POR: variants seen among roughly 807,000 people sequenced by gnomAD.
POR encodes the protein NADPH--cytochrome P450 reductase.
POR carries 56 observed loss-of-function variants against 84.0 expected under a neutral mutation model. The observed-to-expected ratio is 0.67, with a 90% CI of 0.54 to 0.83. POR has a LOEUF of 0.83. POR is among the 40% of genes least tolerant of loss of function. The probability of loss-of-function intolerance (pLI) is 0.00; values close to 1 mark genes in which losing one functional copy is unlikely to be tolerated. For synonymous variants in POR, 414 were observed against 400.5 expected, an observed-to-expected ratio of 1.03 and a Z score of -0.40; for missense variants, 938 against 944.3, an observed-to-expected ratio of 0.99 and a Z score of 0.09.
At chr7:75,947,788 G>A (rs1238753416) in intron 1 of POR, among the ~76,000 whole-genome samples, 2 of 152,032 alleles carry the variant, frequency 1.3e-5, no homozygotes, top group Middle Eastern at 3.2e-3. Flanking sequence ...ACGAAGCTTC[G>A]AGAGGAGGAG....
chr7:75,945,971 T>G (rs1554552086), intron 1 of POR, among the ~76,000 whole-genome samples: 1 of 152,142 alleles, frequency 6.6e-6, no homozygotes. Context: ...CATTCTCCCT[T>G]TCAGAAGCTG....
intron 1 of POR, among the ~76,000 whole-genome samples, chr7:75,949,931 T>C (rs1372587556): frequency 1.3e-5 from 2 of 151,712 alleles, no homozygotes; most frequent in Non-Finnish European, 2.9e-5. Flanking sequence ...CAATGTCAGC[T>C]CACTGCAAGC....
chr7:75,923,987 G>A (rs552001883), intron 1 of POR, among the ~76,000 whole-genome samples: 38 of 152,102 alleles, frequency 2.5e-4, no homozygotes, highest in African/African-American at 4.8e-4. Flanking sequence ...CGTTTTCTAC[G>A]TTGGCTGCTG....
rs373128937 is a variant in POR, at chr7:75,983,832, G to A, written c.1042G>A (p.Val348Ile). 14 of 1,609,980 alleles carry A rather than the reference G, an allele frequency of 8.7e-6. No homozygotes were observed. Among genetic ancestry groups the A allele is most frequent in the African/African-American group, 1.3e-5 (1 of 74,888 alleles). The stretch of plus-strand genomic sequence containing the variant: ...AATCCTGGGTGCCGACCTGGACGTC[G>A]TCATGTCCCTGAACAACCTGGATGG... Residue 348 changes from valine to isoleucine, a missense_variant, in exon 10 of 16, where the codon GTC becomes ATC. By Grantham distance (29) the Val-to-Ile change is conservative (BLOSUM62 3). Transcript: ENST00000461988.
chr7:75,918,749 G>T (rs1806702700), intron 1 of POR: 1 of 152,180 alleles, frequency 6.6e-6, no homozygotes, highest in South Asian at 2.1e-4. Flanking sequence ...TTTTATTAGT[G>T]CTGAGCCTGC....
chr7:75,985,014 TC>T, intron 11 of POR, 43 bp from the exon 12 acceptor site: 3 of 1,578,542 alleles, frequency 1.9e-6, no homozygotes, highest in Non-Finnish European at 2.6e-6. Flanking sequence ...TTTTCCGAGC[TC>T]CGTGGGCCCC....
chr7:75,950,530 C>T (rs1197557641), intron 1 of POR, among the ~76,000 whole-genome samples: 2 of 152,090 alleles, frequency 1.3e-5, no homozygotes, highest in East Asian at 3.9e-4. Flanking sequence ...TGACTGGTTC[C>T]AGTGGGGCCC....
At chr7:75,934,141 G>GTT in intron 1 of POR, among the ~76,000 whole-genome samples, 1 of 133,074 alleles carries the variant, frequency 7.5e-6, no homozygotes, top group East Asian at 2.0e-4. Context: ...GTGTGTGTGT[G>GTT]TGTGTGTGTG....
At position 75,986,621 on chromosome 7, in the gene POR, G is replaced by A. The variant is rs1789492326; in HGVS notation, c.*140G>A. The stretch of plus-strand genomic sequence containing the variant: ...TGACAAAGACTCCTCTGGGCCTGGG[G>A]TGCATCCTCCTCAGCCCCCAGGCCA... On this transcript the variant is annotated 3_prime_UTR_variant, in exon 16 of 16. Coordinates refer to ENST00000461988, the MANE Select transcript of POR (RefSeq NM_000941.3). 9.0e-7 allele frequency: 1 copy of A among 1,112,416 alleles called. No homozygotes were observed. Among genetic ancestry groups the A allele is most frequent in the Non-Finnish European group, 1.3e-6 (1 of 791,600 alleles). The allele number at this position is 1,112,416 out of a possible 1,614,324, so 68.9% of individuals were successfully genotyped here.
intron 3 of POR, among the ~76,000 whole-genome samples, chr7:75,977,621 C>A (rs868951857): frequency 4.6e-5 from 7 of 151,920 alleles, no homozygotes; most frequent in Non-Finnish European, 1.5e-5. Context: ...ACTAAAAATT[C>A]AAAAAAATTA....
chr7:75,952,609 G>A (rs1303774875), intron 1 of POR, among the ~76,000 whole-genome samples: 5 of 151,428 alleles, frequency 3.3e-5, no homozygotes, highest in Admixed American at 6.6e-5. Flanking sequence ...CTCAGACGGG[G>A]CGGCCGGGCA....
chr7:75,951,754 G>T (rs1379173861), intron 1 of POR, among the ~76,000 whole-genome samples: 5 of 152,244 alleles, frequency 3.3e-5, no homozygotes, highest in African/African-American at 1.2e-4. Context: ...GGAATAGTGT[G>T]AATTTCAGGG....
intron 2 of POR, among the ~76,000 whole-genome samples, chr7:75,963,689 A>G (rs1788049451): frequency 1.3e-5 from 2 of 152,182 alleles, no homozygotes; most frequent in Non-Finnish European, 2.9e-5. Context: ...AGATGCCCCC[A>G]CAGGAGCCTA....
rs149214622 is a variant in POR at position 75,935,495 on chromosome 7, G to A, written c.-4-18494G>A. On this transcript the variant is annotated intron_variant, in intron 1 of 15. Transcript: ENST00000461988. ...TCCTGACCTCAGGTGATCTGCCCCC[G>A]TCGGCCTCCCAAAGTGCTGGGATTA... 5.3e-5 allele frequency among the ~76,000 whole-genome samples: 8 copies of A among 151,938 alleles called. No individual in the cohort carries two copies. In the East Asian group the frequency reaches 7.8e-4, roughly 15 times the overall value.
At position 75,986,557 on chromosome 7, in the gene POR, G is replaced by C; in HGVS notation, c.*76G>C. 2 of 1,530,448 alleles carry C rather than the reference G, an allele frequency of 1.3e-6. No homozygotes were observed. Among genetic ancestry groups the C allele is most frequent in the Non-Finnish European group, 1.8e-6 (2 of 1,140,492 alleles). 94.8% of individuals were successfully genotyped at this position (1,530,448 alleles called of 1,614,324 possible). A position where few individuals can be genotyped will look rare whatever the true frequency, so the allele number is the denominator to read the frequency against. On this transcript the variant is annotated 3_prime_UTR_variant, in exon 16 of 16. Coordinates refer to ENST00000461988, the MANE Select transcript of POR (RefSeq NM_000941.3). ...CCTGGCTCCCTCCCGTAGTCTCCTG[G>C]GTGTGTTTGGCTTGGCCTTGGCATG...
rs782357648 is a variant in POR, at chr7:75,985,989, G to C, written c.1736G>C (p.Arg579Pro). The change falls in exon 14 of 16, where the codon CGG becomes CCG. Residue 579 changes from arginine (R) to proline (P), a missense_variant. Arg to Pro is a moderately radical substitution (Grantham distance 103). Transcript: ENST00000461988. ...CGCTCGGATGAGGACTACCTGTACC[G>C]GGAGGAGCTGGCGCAGTTCCACAGG... The C allele has an allele frequency of 7.6e-6, 12 of 1,576,806 alleles. No individual in the cohort carries two copies. The South Asian group carries it at 1.2e-4, about 15-fold the overall frequency.
intron 1 of POR, 77 bp from the exon 2 acceptor site, chr7:75,953,912 T>A: frequency 2.5e-6 from 3 of 1,197,396 alleles, no homozygotes; most frequent in Non-Finnish European, 3.5e-6. Context: ...GGCCCAGCAT[T>A]TAGGTGGGCA....
chr7:75,955,946 A>C (rs1156296211), intron 2 of POR, among the ~76,000 whole-genome samples: 1 of 152,196 alleles, frequency 6.6e-6, no homozygotes, highest in Non-Finnish European at 1.5e-5. Flanking sequence ...CGTAAAGCAG[A>C]TATTCACACA....
At chr7:75,968,096 C>T (rs1563422342) in intron 2 of POR, 1 of 455,446 alleles carries the variant, frequency 2.2e-6, no homozygotes, top group Admixed American at 2.3e-5. Flanking sequence ...GGTGCACGTA[C>T]TCGTCTCCAC....
Sources: allele counts gnomAD v4.1 joint callset (sites outside exome capture counted in the v4.1 genomes callset), GRCh38; gene constraint gnomAD v4.1.1; transcripts MANE v1.5; gene names NCBI Gene and HGNC (gene_info 2026-07-23, HGNC 2026-07-21).